ASIC2: variants seen among roughly 807,000 people sequenced by gnomAD.
The protein encoded by ASIC2 is acid sensing ion channel subunit 2.
In ASIC2, 25 loss-of-function variants were observed where a neutral mutation model predicts 57.3. That is an observed-to-expected ratio of 0.44 (90% CI 0.32 to 0.61). ASIC2 has a LOEUF of 0.61. ASIC2 is among the 20% of genes least tolerant of loss of function. ASIC2 has a pLI of 0.06. For synonymous variants in ASIC2, 319 were observed against 307.5 expected (o/e 1.04, Z -0.39); for missense variants, 641 against 738.1 (o/e 0.87, Z 1.52).
chr17:33,956,016 A>G (rs1904723574), intron 1 of ASIC2, among the ~76,000 whole-genome samples: 1 of 152,188 alleles, frequency 6.6e-6, no homozygotes, highest in Non-Finnish European at 1.5e-5. Flanking sequence ...TCATTAGACT[A>G]TTATAATTAA....
At chr17:34,039,579 G>A in intron 1 of ASIC2, 2 of 1,613,938 alleles carry the variant, frequency 1.2e-6, no homozygotes, top group Non-Finnish European at 1.7e-6. Context: ...TGCCAGGGCT[G>A]GTTCCCGGCC....
intron 1 of ASIC2, among the ~76,000 whole-genome samples, chr17:33,848,000 T>TA (rs1486107522): frequency 6.6e-6 from 1 of 152,124 alleles, no homozygotes; most frequent in African/African-American, 2.4e-5. Context: ...TGACAGAAGA[T>TA]AGCCAAGAGC....
chr17:33,021,822 T>C (rs2091836771), intron 6 of ASIC2, among the ~76,000 whole-genome samples: 1 of 152,160 alleles, frequency 6.6e-6, no homozygotes, highest in African/African-American at 2.4e-5. Context: ...CAAAGAAAGT[T>C]TGTAGGGAGC....
intron 1 of ASIC2, among the ~76,000 whole-genome samples, chr17:33,733,854 C>T (rs1909825899): frequency 6.6e-6 from 1 of 152,138 alleles, no homozygotes; most frequent in African/African-American, 2.4e-5. Context: ...TTCCCTGAAC[C>T]TGAGAAGAGG....
intron 1 of ASIC2, among the ~76,000 whole-genome samples, chr17:33,513,058 G>C (rs542574713): frequency 6.6e-6 from 1 of 152,324 alleles, no homozygotes; most frequent in East Asian, 1.9e-4. Flanking sequence ...ATTCTACAAA[G>C]TAACGGAATT....
intron 1 of ASIC2, among the ~76,000 whole-genome samples, chr17:33,645,713 G>C (rs1180489724): frequency 6.6e-6 from 1 of 152,096 alleles, no homozygotes; most frequent in Non-Finnish European, 1.5e-5. Flanking sequence ...TTCTGATAAA[G>C]TCAGTCCACA....
At chr17:33,200,875 G>A (rs1417806497) in intron 1 of ASIC2, among the ~76,000 whole-genome samples, 2 of 152,100 alleles carry the variant, frequency 1.3e-5, no homozygotes, top group African/African-American at 4.8e-5. Flanking sequence ...AGGGCCTACA[G>A]TCTGGCTCGT....
intron 1 of ASIC2, among the ~76,000 whole-genome samples, chr17:33,866,525 C>G (rs1914242336): frequency 6.6e-6 from 1 of 151,992 alleles, no homozygotes; most frequent in Admixed American, 6.6e-5. Context: ...GGATGAATTC[C>G]TAGGAGTGAA....
At chr17:34,107,938 A>C (rs1432944553) in intron 1 of ASIC2, among the ~76,000 whole-genome samples, 1 of 152,180 alleles carries the variant, frequency 6.6e-6, no homozygotes, top group Non-Finnish European at 1.5e-5. Flanking sequence ...ATACTTTTCC[A>C]TCCCACCTCG....
Position 33,950,409 on chromosome 17 carries a change from T to C in ASIC2, c.555+205569A>G, listed in dbSNP as rs58767997. ...CGTAATAAATGCAGACCACGTTCCC[T>C]CAGCCAATATCGAGACAAAGTCTAT... On this transcript the variant is annotated intron_variant, in intron 1 of 9. Transcript: ENST00000359872. Among the ~76,000 whole-genome samples, 257 of 152,302 alleles carry C rather than the reference T, an allele frequency of 1.7e-3. 1 individual carries two copies. The highest frequency in any genetic ancestry group is 5.8e-3 in the African/African-American group (243 of 41,558).
chr17:33,706,509 C>A (rs1908868892), intron 1 of ASIC2, among the ~76,000 whole-genome samples: 1 of 152,066 alleles, frequency 6.6e-6, no homozygotes, highest in South Asian at 2.1e-4. Flanking sequence ...CAAGTATCAG[C>A]CACCGTGCCC....
At chr17:33,750,219 C>T (rs1036047004) in intron 1 of ASIC2, among the ~76,000 whole-genome samples, 1 of 152,098 alleles carries the variant, frequency 6.6e-6, no homozygotes, top group East Asian at 1.9e-4. Context: ...TCAGAAGACC[C>T]AGAGAGCCCT....
At chr17:33,060,189 G>A (rs931612522) in intron 3 of ASIC2, among the ~76,000 whole-genome samples, 2 of 152,088 alleles carry the variant, frequency 1.3e-5, no homozygotes, top group African/African-American at 2.4e-5. Flanking sequence ...GTCAATTTTG[G>A]CTTTTGTAGC....
intron 1 of ASIC2, among the ~76,000 whole-genome samples, chr17:33,778,712 G>A (rs1463498883): frequency 1.3e-5 from 2 of 152,128 alleles, no homozygotes; most frequent in African/African-American, 2.4e-5. Context: ...ACCTCTCTGA[G>A]CCTCGACGTC....
chr17:33,620,616 A>G (rs1377547136), intron 1 of ASIC2, among the ~76,000 whole-genome samples: 1 of 152,160 alleles, frequency 6.6e-6, no homozygotes, highest in East Asian at 1.9e-4. Flanking sequence ...ATTTTTCTGT[A>G]GAGAGATTGA....
chr17:33,372,351 G>T (rs1044000760), intron 1 of ASIC2, among the ~76,000 whole-genome samples: 1 of 152,120 alleles, frequency 6.6e-6, no homozygotes, highest in African/African-American at 2.4e-5. Context: ...GTCCTTGAGT[G>T]ATCTCCTTTG....
chr17:33,732,683 G>A (rs1232661742), intron 1 of ASIC2, among the ~76,000 whole-genome samples: 2 of 151,720 alleles, frequency 1.3e-5, no homozygotes, highest in African/African-American at 2.4e-5. Flanking sequence ...TGTTGCCCAG[G>A]CTGGAGTGCA....
intron 1 of ASIC2, among the ~76,000 whole-genome samples, chr17:33,858,012 G>T (rs899594897): frequency 6.6e-6 from 1 of 152,160 alleles, no homozygotes; most frequent in African/African-American, 2.4e-5. Context: ...GGGAGGTCAA[G>T]AGGACCTCAG....
Position 33,783,504 on chromosome 17 carries a change from G to C in ASIC2, c.555+372474C>G, listed in dbSNP as rs538123272. On this transcript the variant is annotated intron_variant, in intron 1 of 9. Coordinates refer to the ASIC2 transcript ENST00000359872. ...CATTTGCGATATTAGGACTACTGTT[G>C]TTGGTGAATAAATGAGCATTGGCAG... Among the ~76,000 whole-genome samples the C allele has an allele frequency of 5.3e-5, 8 of 152,324 alleles. No individual in the cohort carries two copies. The South Asian group carries it at 1.7e-3, about 32-fold the overall frequency.
Sources: gnomAD v4.1 joint callset for allele counts (sites outside exome capture counted in the v4.1 genomes callset) on GRCh38, gnomAD v4.1.1 for gene constraint, MANE v1.5 for transcripts, NCBI Gene and HGNC (gene_info 2026-07-23, HGNC 2026-07-21) for gene names.